Variants in MLPH observed in about 807,000 individuals in gnomAD.
MLPH encodes exophilin-3.
MLPH carries 51 observed loss-of-function variants against 72.1 expected under a neutral mutation model. That is an observed-to-expected ratio of 0.71 (90% CI 0.56 to 0.89). MLPH has a LOEUF of 0.89. Among genes scored for constraint, MLPH ranks in the 40% least tolerant of loss-of-function variants. The pLI, the probability that MLPH is intolerant of heterozygous loss-of-function variation, is 0.00. For missense variants in MLPH, 743 were observed against 759.9 expected (o/e 0.98, Z 0.26); for synonymous variants, 301 against 310.1 (o/e 0.97, Z 0.31).
intron 12 of MLPH, chr2:237,545,807 C>A: frequency 3.5e-6 from 1 of 285,988 alleles, no homozygotes; most frequent in Non-Finnish European, 6.0e-6. Context: ...AATTTCAGAT[C>A]AACAACTAAT....
At chr2:237,511,242 C>A in intron 4 of MLPH, 141 bp downstream of exon 4, 1 of 652,200 alleles carries the variant, frequency 1.5e-6, no homozygotes, top group Non-Finnish European at 2.7e-6. Flanking sequence ...GCACATGCCT[C>A]TCTGTGAATT....
At chr2:237,552,869 A>G (rs2081066535) in intron 15 of MLPH, among the ~76,000 whole-genome samples, 1 of 152,058 alleles carries the variant, frequency 6.6e-6, no homozygotes, top group Non-Finnish European at 1.5e-5. Context: ...GTGTGTGTGT[A>G]CTGTGTGCAT....
At chr2:237,489,538 C>T (rs141965786) in intron 1 of MLPH, among the ~76,000 whole-genome samples, 18 of 152,274 alleles carry the variant, frequency 1.2e-4, no homozygotes, top group East Asian at 3.9e-4. Flanking sequence ...CTGACCTGGA[C>T]GGCAGCATTC....
intron 2 of MLPH, among the ~76,000 whole-genome samples, chr2:237,496,443 A>T (rs1383812232): frequency 6.6e-6 from 1 of 152,058 alleles, no homozygotes. Flanking sequence ...GTCTTTCCTT[A>T]TTTCATGCTC....
At chr2:237,522,882 A>G (rs1192788460) in intron 6 of MLPH, among the ~76,000 whole-genome samples, 1 of 152,230 alleles carries the variant, frequency 6.6e-6, no homozygotes, top group Non-Finnish European at 1.5e-5. Flanking sequence ...ATGCGGTTGT[A>G]CTGGACTGCT....
Position 237,540,659 on chromosome 2 carries a change from T to C in MLPH, c.1290+126T>C, listed in dbSNP as rs150794140. 2,790 of 1,495,530 alleles carry C rather than the reference T, an allele frequency of 1.9e-3. 29 individuals carry two copies. In the African/African-American group the frequency reaches 0.03, roughly 16 times the overall value. The allele number at this position is 1,495,530 out of a possible 1,614,324, so 92.6% of individuals were successfully genotyped here. A position where few individuals can be genotyped will look rare whatever the true frequency, so the allele number is the denominator to read the frequency against. On this transcript the variant is annotated intron_variant, in intron 10 of 15. Transcript: ENST00000264605. ...ACAGGAGCACACCAAGGGCCCTTGA[T>C]GGGGTCTGCAGCGGGTGGCCGGCTC...
Position 237,541,551 on chromosome 2 carries a change from A to C in MLPH, c.1446+594A>C, listed in dbSNP as rs910755592. Among the ~76,000 whole-genome samples, 1 of 152,226 alleles carries C rather than the reference A, an allele frequency of 6.6e-6. No individual in the cohort carries two copies. Among genetic ancestry groups the C allele is most frequent in the African/African-American group, 2.4e-5 (1 of 41,464 alleles). ...GCCCTCCTCCACTTCCCTTCTCATC[A>C]GCAGGTGCCTGTCACTCCCTAAGGA... is the stretch of plus-strand genomic sequence containing the variant. On this transcript the variant is annotated intron_variant, in intron 11 of 15. Coordinates refer to ENST00000264605, the MANE Select transcript of MLPH (RefSeq NM_024101.7). The surrounding 1 kb of genome is among the most constrained non-coding windows in gnomAD (Gnocchi z 5.1).
chr2:237,507,062 C>CTTTTTTTTTTTT lies in MLPH; in HGVS notation c.111-3502_111-3491dup, dbSNP rs61091364. ...TTTTTTTCCTTTTTCTTTTTTTTTT[C>CTTTTTTTTTTTT]TTTTTTTTTTTTTTTTTTTTTGAGA... On this transcript the variant is annotated intron_variant, in intron 2 of 15. Transcript: ENST00000264605. Among the ~76,000 whole-genome samples the CTTTTTTTTTTTT allele has an allele frequency of 9.0e-3, 855 of 94,488 alleles. 1 individual carries two copies. Among genetic ancestry groups the CTTTTTTTTTTTT allele is most frequent in the African/African-American group, 0.016 (361 of 22,998 alleles). 62.0% of individuals were successfully genotyped at this position (94,488 alleles called of 152,430 possible).
At chr2:237,535,613 C>T (rs538530545) in intron 9 of MLPH, among the ~76,000 whole-genome samples, 7 of 152,132 alleles carry the variant, frequency 4.6e-5, no homozygotes, top group African/African-American at 1.4e-4. Flanking sequence ...CACCTGGGCA[C>T]GGAGATAAGG....
At chr2:237,489,249 G>A (rs1455842526) in intron 1 of MLPH, among the ~76,000 whole-genome samples, 1 of 152,230 alleles carries the variant, frequency 6.6e-6, no homozygotes, top group African/African-American at 2.4e-5. Flanking sequence ...CAGAACTCAT[G>A]TCCATTTATA....
At chr2:237,507,037 TTTTTTTCCTTTTTCTTTTTTTTTTC>T (rs970682095) in intron 2 of MLPH, among the ~76,000 whole-genome samples, 3 of 151,488 alleles carry the variant, frequency 2.0e-5, no homozygotes, top group African/African-American at 7.3e-5. Context: ...GAGTTGGTAG[TTTTTTTCCTTTTTCTTTTTTTTTTC>T]TTTTTTTTTT....
chr2:237,545,635 G>A (rs1451740177), intron 12 of MLPH: 5 of 1,282,316 alleles, frequency 3.9e-6, no homozygotes, highest in Non-Finnish European at 5.1e-6. Flanking sequence ...CACATCAGAG[G>A]AGCTGCTCAC....
intron 12 of MLPH, chr2:237,545,580 G>A (rs200693512): frequency 2.6e-5 from 33 of 1,287,730 alleles, no homozygotes; most frequent in African/African-American, 1.8e-4. Flanking sequence ...TTAGTCCGCC[G>A]CCACGTGAAG....
chr2:237,524,659 C>A (rs954825281), intron 6 of MLPH, among the ~76,000 whole-genome samples: 10 of 152,188 alleles, frequency 6.6e-5, no homozygotes, highest in African/African-American at 2.4e-4. Flanking sequence ...AATATTGCAT[C>A]CCTCGATCCA....
chr2:237,552,041 C>T, intron 14 of MLPH: 1 of 384,786 alleles, frequency 2.6e-6, no homozygotes, highest in Non-Finnish European at 4.8e-6. Context: ...GACCACACAC[C>T]AGTGCAGTGT....
chr2:237,501,656 G>A (rs11895055), intron 2 of MLPH, among the ~76,000 whole-genome samples: 5,255 of 122,106 alleles, frequency 0.043, 335 homozygotes, highest in African/African-American at 0.16. Context: ...GTGAAACCAC[G>A]TCTCTACTAA....
At chr2:237,496,537 C>G (rs2079539394) in intron 2 of MLPH, among the ~76,000 whole-genome samples, 2 of 152,212 alleles carry the variant, frequency 1.3e-5, no homozygotes, top group Admixed American at 1.3e-4. Flanking sequence ...CAGGTCACCT[C>G]TCAGTACTCT....
At chr2:237,514,069 G>A (rs969845905) in intron 4 of MLPH, among the ~76,000 whole-genome samples, 3 of 152,104 alleles carry the variant, frequency 2.0e-5, no homozygotes, top group Non-Finnish European at 4.4e-5. Context: ...AAGAAAGGGT[G>A]GACTGCGTGT....
chr2:237,540,400 G>A lies in MLPH; in HGVS notation c.1157G>A (p.Arg386Lys), dbSNP rs1251491356. 1 of 1,613,604 alleles carries A rather than the reference G, an allele frequency of 6.2e-7. No homozygotes were observed. The highest frequency in any genetic ancestry group is 1.1e-5 in the South Asian group (1 of 91,044). Reference sequence around the variant, plus strand: ...GCCGATGTAGAGGAGGAGGCCCTGAGGAGGAAGCTGGAGGAGCTGACCAGC... The same window carrying A: ...GCCGATGTAGAGGAGGAGGCCCTGAAGAGGAAGCTGGAGGAGCTGACCAGC... Reference protein sequence around the residue: ...TEADVEEEALRRKLEELTSNV... With the variant: ...TEADVEEEALKRKLEELTSNV... The change falls in exon 10 of 16, where the codon AGG becomes AAG. Residue 386 changes from arginine to lysine, a missense_variant. Arg to Lys is a conservative substitution (Grantham distance 26). Transcript: ENST00000264605.
Sources: gnomAD v4.1 joint callset for allele counts (sites outside exome capture counted in the v4.1 genomes callset) on GRCh38, gnomAD v4.1.1 for gene constraint, Gnocchi (gnomAD v3.1) non-coding constraint, MANE v1.5 for transcripts, NCBI Gene and HGNC (gene_info 2026-07-23, HGNC 2026-07-21) for gene names.